PHLDB2: variants seen among roughly 807,000 people sequenced by gnomAD.
PHLDB2 encodes pleckstrin homology like domain family B member 2.
In PHLDB2, 71 loss-of-function variants were observed where a neutral mutation model predicts 123.6. The ratio of observed to expected loss-of-function variants is 0.57; its 90% CI spans 0.47 to 0.70. The LOEUF is 0.70. Ranked by LOEUF, PHLDB2 falls within the 30% of genes least tolerant of loss-of-function variation. PHLDB2 has a pLI of 0.00. For synonymous variants in PHLDB2, 547 were observed against 541.6 expected (o/e 1.01, Z -0.14); for missense variants, 1,446 against 1,519.5 (o/e 0.95, Z 0.80).
intron 2 of PHLDB2, among the ~76,000 whole-genome samples, chr3:111,852,408 TATA>T (rs762512402): frequency 8.1e-5 from 12 of 148,640 alleles, no homozygotes; most frequent in Non-Finnish European, 1.5e-4. Context: ...GATTATATAT[TATA>T]ATAATCCTTA....
Position 111,949,074 on chromosome 3 carries a change from A to T in PHLDB2, c.2630A>T (p.Glu877Val). The T allele has an allele frequency of 6.2e-7, 1 of 1,613,640 alleles. No homozygotes were observed. The highest frequency in any genetic ancestry group is 8.5e-7 in the Non-Finnish European group (1 of 1,179,930). The change falls in exon 10 of 18, where the codon GAG (glutamate) becomes GTG (valine). Residue 877 changes from glutamate to valine, a missense_variant and splice_region_variant. This residue lies in a region of PHLDB2 where 594 missense variants were observed against 646.0 expected (regional missense o/e 0.92). Transcript: ENST00000431670. ...AVLASQPQSK[E>V]HFRSLEERKK... ...CTGGCGAGCCAGCCACAGAGTAAAG[A>T]GGTGTGTAGGCATGACGTTTCATTC...
chr3:111,971,073 G>A (rs1467925415), intron 16 of PHLDB2, among the ~76,000 whole-genome samples: 1 of 152,116 alleles, frequency 6.6e-6, no homozygotes, highest in Non-Finnish European at 1.5e-5. Flanking sequence ...ATGGCCTGCC[G>A]GTCCTAGGTC....
intron 12 of PHLDB2, chr3:111,960,113 T>G: frequency 1.2e-5 from 9 of 757,700 alleles, no homozygotes; most frequent in Non-Finnish European, 1.4e-5. Flanking sequence ...TTTTGTCATT[T>G]GCATAATAAA....
intron 1 of PHLDB2, among the ~76,000 whole-genome samples, chr3:111,770,599 A>G (rs1258217642): frequency 6.6e-6 from 1 of 152,202 alleles, no homozygotes; most frequent in South Asian, 2.1e-4. Context: ...TGTATAAATT[A>G]CCATAACTTG....
chr3:111,801,593 G>A (rs1190279928), intron 1 of PHLDB2, among the ~76,000 whole-genome samples: 1 of 152,170 alleles, frequency 6.6e-6, no homozygotes, highest in Non-Finnish European at 1.5e-5. Flanking sequence ...TGAAGAGTAG[G>A]TGAAGGATGG....
intron 1 of PHLDB2, among the ~76,000 whole-genome samples, chr3:111,737,277 T>A (rs943870485): frequency 6.6e-6 from 1 of 152,196 alleles, no homozygotes; most frequent in Non-Finnish European, 1.5e-5. Context: ...GCTGCCTGAG[T>A]CTCCATCCCA....
intron 10 of PHLDB2, among the ~76,000 whole-genome samples, chr3:111,952,290 A>G (rs562780677): frequency 6.6e-5 from 10 of 152,298 alleles, no homozygotes; most frequent in Admixed American, 6.5e-4. Context: ...GACCATCATA[A>G]TAATTTGTAA....
At chr3:111,752,248 C>CTG (rs767384410) in intron 1 of PHLDB2, among the ~76,000 whole-genome samples, 3,337 of 119,358 alleles carry the variant, frequency 0.028, 49 homozygotes, top group Non-Finnish European at 0.033. Context: ...GTGTCTGTGT[C>CTG]TGTGTGTGTG....
chr3:111,735,273 A>G (rs115571727), intron 1 of PHLDB2, among the ~76,000 whole-genome samples: 2,191 of 152,276 alleles, frequency 0.014, 15 homozygotes, highest in Non-Finnish European at 0.022. Context: ...GGCTCTCACC[A>G]TCTGCAACCC....
At chr3:111,967,635 A>G (rs914393842) in intron 14 of PHLDB2, 43 bp from the exon 15 acceptor site, 3 of 1,556,228 alleles carry the variant, frequency 1.9e-6, no homozygotes, top group Non-Finnish European at 8.7e-7. Context: ...TTCAAGTATA[A>G]CCAGTATGTT....
intron 2 of PHLDB2, among the ~76,000 whole-genome samples, chr3:111,895,575 T>C: frequency 6.6e-6 from 1 of 152,054 alleles, no homozygotes; most frequent in African/African-American, 2.4e-5. Flanking sequence ...AGGCCAGGCG[T>C]GTTGGCTCAC....
At chr3:111,773,240 C>G (rs752452298) in intron 1 of PHLDB2, among the ~76,000 whole-genome samples, 1 of 152,198 alleles carries the variant, frequency 6.6e-6, no homozygotes, top group Admixed American at 6.5e-5. Flanking sequence ...TTCCCAGGCT[C>G]TGCTCCAAAC....
intron 1 of PHLDB2, among the ~76,000 whole-genome samples, chr3:111,759,750 C>A (rs1407067470): frequency 6.6e-6 from 1 of 152,184 alleles, no homozygotes; most frequent in African/African-American, 2.4e-5. Flanking sequence ...AAACAAATCT[C>A]AGATTAAGTA....
intron 1 of PHLDB2, among the ~76,000 whole-genome samples, chr3:111,758,581 C>T (rs1252788505): frequency 6.6e-6 from 1 of 152,218 alleles, no homozygotes; most frequent in East Asian, 1.9e-4. Flanking sequence ...CCTCGCCCTG[C>T]TTCAGCTGGT....
chr3:111,794,984 G>T (rs1337258237), intron 1 of PHLDB2, among the ~76,000 whole-genome samples: 1 of 152,162 alleles, frequency 6.6e-6, no homozygotes, highest in Non-Finnish European at 1.5e-5. Flanking sequence ...CACTCCAGGA[G>T]CATTGTCTCA....
At chr3:111,924,072 A>T (rs2068678469) in intron 5 of PHLDB2, among the ~76,000 whole-genome samples, 1 of 152,002 alleles carries the variant, frequency 6.6e-6, no homozygotes, top group East Asian at 1.9e-4. Flanking sequence ...TTGTTAAAAG[A>T]TTCATCCTCC....
chr3:111,884,483 A>T lies in PHLDB2; in HGVS notation c.406A>T (p.Ser136Cys), dbSNP rs757190870. Residue 136 changes from serine to cysteine, a missense_variant, in exon 2 of 18, where the codon AGT becomes TGT. Physicochemically the swap from Ser to Cys is moderately radical, Grantham distance 112. This residue lies in a region of PHLDB2 where 832 missense variants were observed against 831.9 expected (regional missense o/e 1.00). Coordinates refer to ENST00000431670, the MANE Select transcript of PHLDB2 (RefSeq NM_001134438.2). ...ADFDHYTGRD[S>C]ERALRLSEKP... ...CTTTGATCATTATACTGGCCGGGAC[A>T]GTGAAAGGGCCTTGAGGCTCTCAGA... The T allele has an allele frequency of 3.7e-6, 6 of 1,614,190 alleles. No individual in the cohort carries two copies. In the East Asian group the frequency reaches 1.3e-4, roughly 36 times the overall value.
At chr3:111,765,893 C>T (rs947251529) in intron 1 of PHLDB2, among the ~76,000 whole-genome samples, 2 of 111,250 alleles carry the variant, frequency 1.8e-5, no homozygotes, top group African/African-American at 8.1e-5. Flanking sequence ...TTTATATGCA[C>T]ACACACACAC....
At chr3:111,811,908 T>G (rs952265369) in intron 1 of PHLDB2, among the ~76,000 whole-genome samples, 5 of 152,192 alleles carry the variant, frequency 3.3e-5, no homozygotes, top group Non-Finnish European at 7.3e-5. Context: ...TTTTGTGACC[T>G]TCATCCTATA....
Sources: gnomAD v4.1 joint callset for allele counts (sites outside exome capture counted in the v4.1 genomes callset) on GRCh38, gnomAD v4.1.1 for gene constraint, gnomAD v4.1.1 regional missense constraint, MANE v1.5 for transcripts, NCBI Gene and HGNC (gene_info 2026-07-23, HGNC 2026-07-21) for gene names.